Variants in ERCC1 observed in about 807,000 individuals in gnomAD.
The protein encoded by ERCC1 is DNA excision repair protein ERCC-1.
Under a neutral mutation model 37.6 loss-of-function variants are expected in ERCC1, and 36 were observed. The ratio of observed to expected loss-of-function variants is 0.96; its 90% CI spans 0.73 to 1.26. The LOEUF is 1.26. Among genes scored for constraint, ERCC1 ranks in the 50% most tolerant of loss-of-function variants. The pLI, the probability that ERCC1 is intolerant of heterozygous loss-of-function variation, is 0.00. For missense variants in ERCC1, 349 were observed against 376.5 expected (o/e 0.93, Z 0.60); for synonymous variants, 156 against 162.1 (o/e 0.96, Z 0.28).
rs138137901 is a variant in ERCC1 at position 45,414,426 on chromosome 19, G to A, written c.703-392C>T. On this transcript the variant is annotated intron_variant, in intron 7 of 9. Coordinates refer to ENST00000300853, the MANE Select transcript of ERCC1 (RefSeq NM_001983.4). ...TGGGAGGCAGAGGTTGCAGTGAGCC[G>A]AGATCATGTCATTGCACTCCAGCCT... The A allele has an allele frequency of 3.6e-3, 1,266 of 356,222 alleles. 10 individuals carry two copies. The highest frequency in any genetic ancestry group is 0.025 in the African/African-American group (1,166 of 47,050). 22.1% of individuals were successfully genotyped at this position (356,222 alleles called of 1,614,324 possible).
rs1157496469 is a variant in ERCC1 at position 45,423,327 on chromosome 19, C to A, written c.48G>T (p.Pro16=). The change falls in exon 2 of 10, where the codon CCG becomes CCT. Residue 16 remains proline (P), a synonymous_variant. Transcript: ENST00000300853. ...DKEGVPQPSG[P]PARKKFVIPL... Reference sequence around the variant, plus strand: ...GTATCACAAATTTCTTCCTTGCTGGCGGCCCTGAGGGCTGGGGCACCCCCT... The same window carrying A: ...GTATCACAAATTTCTTCCTTGCTGGAGGCCCTGAGGGCTGGGGCACCCCCT... 9.3e-6 allele frequency: 15 copies of A among 1,613,782 alleles called. No individual in the cohort carries two copies. Among genetic ancestry groups the A allele is most frequent in the Non-Finnish European group, 1.3e-5 (15 of 1,179,918 alleles).
chr19:45,439,850 G>A (rs899388536), intron 1 of ERCC1, among the ~76,000 whole-genome samples: 1 of 151,938 alleles, frequency 6.6e-6, no homozygotes, highest in African/African-American at 2.4e-5. Context: ...CTCCTCCCCG[G>A]GGCCCTCAGT....
rs1282128839 is a variant in ERCC1, at chr19:45,409,381, G to T, written c.*294C>A. Reference sequence around the variant, plus strand: ...GGAAGAAGCAGAGTCAGGAAAGCCGGATGCCAGAGACAGTGCCCCAAGAGG... The same window carrying T: ...GGAAGAAGCAGAGTCAGGAAAGCCGTATGCCAGAGACAGTGCCCCAAGAGG... On this transcript the variant is annotated 3_prime_UTR_variant, in exon 10 of 10. Coordinates refer to ENST00000300853, the MANE Select transcript of ERCC1 (RefSeq NM_001983.4). The T allele has an allele frequency of 6.2e-7, 1 of 1,614,102 alleles. No individual in the cohort carries two copies. Among genetic ancestry groups the T allele is most frequent in the East Asian group, 2.2e-5 (1 of 44,882 alleles).
Position 45,413,945 on chromosome 19 carries a change from AG to A in ERCC1, c.774+17del. 6.2e-7 allele frequency: 1 copy of A among 1,611,230 alleles called. No homozygotes were observed. On this transcript the variant is annotated intron_variant, in intron 8 of 9. Coordinates refer to ENST00000300853, the MANE Select transcript of ERCC1 (RefSeq NM_001983.4). Reference sequence around the variant, plus strand: ...AAGGGGACAGAAATGCCTATGGGGCAGGGGAGCCATTCCTTACTCCAAATGT... The same window carrying A: ...AAGGGGACAGAAATGCCTATGGGGCAGGGAGCCATTCCTTACTCCAAATGT...
intron 1 of ERCC1, 33 bp downstream of exon 1, chr19:45,423,748 C>G: frequency 8.7e-7 from 1 of 1,155,296 alleles, no homozygotes; most frequent in Non-Finnish European, 1.1e-6. Context: ...TTCCGCGGCG[C>G]CAATCTCCAC....
chr19:45,413,697 G>A lies in ERCC1; in HGVS notation c.823C>T (p.Pro275Ser), dbSNP rs1273433287. 2.0e-5 allele frequency: 32 copies of A among 1,614,114 alleles called. No homozygotes were observed. Among genetic ancestry groups the A allele is most frequent in the Non-Finnish European group, 2.7e-5 (32 of 1,180,030 alleles). The change falls in exon 9 of 10, where the codon CCA (proline) becomes TCA (serine). Residue 275 changes from proline to serine, a missense_variant. Physicochemically the swap from Pro to Ser is moderately conservative, Grantham distance 74. Transcript: ENST00000300853. ...CTTACTTTCTGAGGGCCCAGGCCTGGGCATAAGGCCAGATCTTCTCTTGAT... is the reference window on the plus strand; with the variant it reads ...CTTACTTTCTGAGGGCCCAGGCCTGAGCATAAGGCCAGATCTTCTCTTGAT... ...AASREDLALC[P>S]GLGPQKARRL...
Position 45,408,201 on chromosome 19 carries a change from A to C in ERCC1, c.*1474T>G. 6.2e-7 allele frequency: 1 copy of C among 1,613,534 alleles called. No homozygotes were observed. The highest frequency in any genetic ancestry group is 8.5e-7 in the Non-Finnish European group (1 of 1,179,604). On this transcript the variant is annotated 3_prime_UTR_variant, in exon 10 of 10. Coordinates refer to ENST00000300853, the MANE Select transcript of ERCC1 (RefSeq NM_001983.4). ...AAGGGCAAATTGGCAGGCAAGCGGC[A>C]CCGCTATCGAGTCCTCAGCAGCTGT...
In ERCC1 at chr19:45,416,804, G is replaced by A. The variant is rs1437754679; in HGVS notation, c.602+17C>T. 4 of 1,603,338 alleles carry A rather than the reference G, an allele frequency of 2.5e-6. No individual in the cohort carries two copies. The highest frequency in any genetic ancestry group is 2.6e-6 in the Non-Finnish European group (3 of 1,170,478). On this transcript the variant is annotated intron_variant, in intron 6 of 9. Transcript: ENST00000300853. Reference sequence around the variant, plus strand: ...CCCAGGTGGAGCCTGAATGAGGCAGGGAAGCCCTCATCTCACCTCCAGGCG... The same window carrying A: ...CCCAGGTGGAGCCTGAATGAGGCAGAGAAGCCCTCATCTCACCTCCAGGCG...
intron 5 of ERCC1, among the ~76,000 whole-genome samples, chr19:45,417,673 G>A (rs1305950631): frequency 6.6e-6 from 1 of 151,950 alleles, no homozygotes; most frequent in African/African-American, 2.4e-5. Context: ...TTTCTCCTAG[G>A]GTGCTTAGGA....
At chr19:45,436,202 G>A (rs973160885) in intron 1 of ERCC1, among the ~76,000 whole-genome samples, 1 of 152,148 alleles carries the variant, frequency 6.6e-6, no homozygotes, top group Non-Finnish European at 1.5e-5. Context: ...TATGTGGAAG[G>A]GTTGGAAAAG....
intron 1 of ERCC1, among the ~76,000 whole-genome samples, chr19:45,439,710 G>A (rs1975068692): frequency 6.6e-6 from 1 of 152,034 alleles, no homozygotes; most frequent in Non-Finnish European, 1.5e-5. Flanking sequence ...GGAAGATTCT[G>A]CGCCCTGCCG....
At chr19:45,426,959 T>TAAAAAAA (rs1555789830), upstream of ERCC1, among the ~76,000 whole-genome samples, 1 of 92,466 alleles carries the variant, frequency 1.1e-5, no homozygotes, top group Non-Finnish European at 2.1e-5. Context: ...AAACTCCATC[T>TAAAAAAA]AAAAAAAAAA....
At chr19:45,431,750 G>A (rs888190093) in intron 1 of ERCC1, among the ~76,000 whole-genome samples, 3 of 151,360 alleles carry the variant, frequency 2.0e-5, no homozygotes, top group African/African-American at 4.9e-5. Context: ...AATGAGCTGT[G>A]CTTGGTGGCG....
chr19:45,440,103 G>T (rs1278240769), intron 1 of ERCC1, among the ~76,000 whole-genome samples: 1 of 151,618 alleles, frequency 6.6e-6, no homozygotes, highest in African/African-American at 2.4e-5. Flanking sequence ...TGCCCTGGCG[G>T]TCACACTCGC....
Position 45,435,731 on chromosome 19 carries a change from T to C in ERCC1, c.-7-12350A>G, listed in dbSNP as rs139601573. On this transcript the variant is annotated intron_variant, in intron 1 of 8. Coordinates refer to the ERCC1 transcript ENST00000423698. ...CCTTGGACTCCCAAAGTGTTGGGAT[T>C]ACAGGTGTGAGCCTCCATGTTCAGT... is the stretch of plus-strand genomic sequence containing the variant. Among the ~76,000 whole-genome samples the C allele has an allele frequency of 5.8e-3, 885 of 152,292 alleles. 6 individuals are homozygous for C. The highest frequency in any genetic ancestry group is 0.016 in the African/African-American group (673 of 41,574).
intron 2 of ERCC1, 77 bp downstream of exon 2, chr19:45,423,193 G>A: frequency 7.0e-7 from 1 of 1,422,068 alleles, no homozygotes; most frequent in East Asian, 2.5e-5. Flanking sequence ...CCACACCCTG[G>A]TCCCACAGGC....
rs1974081648 is a variant in ERCC1, at chr19:45,416,601, G to A, written c.602+220C>T. 4 of 547,324 alleles carry A rather than the reference G, an allele frequency of 7.3e-6. No homozygotes were observed. In the Admixed American group the frequency reaches 1.3e-4, roughly 17 times the overall value. The allele number at this position is 547,324 out of a possible 1,614,324, so 33.9% of individuals were successfully genotyped here. A position where few individuals can be genotyped will look rare whatever the true frequency, so the allele number is the denominator to read the frequency against. On this transcript the variant is annotated intron_variant, in intron 6 of 9. Coordinates refer to ENST00000300853, the MANE Select transcript of ERCC1 (RefSeq NM_001983.4). ...AAGGCAGAGCCGAGATCGTGCCACT[G>A]CACTTCAGCCTAGGGGACAGAGTGA...
At position 45,408,434 on chromosome 19, in the gene ERCC1, C is replaced by T. The variant is rs776271362; in HGVS notation, c.*1241G>A. ...TCGGTTCTGTGCCTTTGGGGGCAAC[C>T]CACCAGTCACAGGGCCTAGGTCAGC... On this transcript the variant is annotated 3_prime_UTR_variant, in exon 10 of 10. Transcript: ENST00000300853. 8 of 1,613,776 alleles carry T rather than the reference C, an allele frequency of 5.0e-6. No homozygotes were observed. The Admixed American group carries it at 6.7e-5, about 13-fold the overall frequency.
At chr19:45,410,596 T>TGTGTGTGTGTGG (rs896460788) in intron 9 of ERCC1, 29 of 151,724 alleles carry the variant, frequency 1.9e-4, no homozygotes, top group African/African-American at 6.8e-4. Context: ...TGTGTGTGTG[T>TGTGTGTGTGTGG]GGTACCCATT....
Sources: allele counts gnomAD v4.1 joint callset (sites outside exome capture counted in the v4.1 genomes callset), GRCh38; gene constraint gnomAD v4.1.1; transcripts MANE v1.5; gene names NCBI Gene and HGNC (gene_info 2026-07-23, HGNC 2026-07-21).